The following GJB7 variants were observed in gnomAD, a reference collection of about 807,000 sequenced individuals.
The protein encoded by GJB7 is gap junction protein beta 7.
For synonymous variants in GJB7, 87 were observed against 95.2 expected, an observed-to-expected ratio of 0.91 and a Z score of 0.50; for missense variants, 253 against 256.8, an observed-to-expected ratio of 0.99 and a Z score of 0.10.
At chr6:87,328,817 A>G (rs1468322265) in intron 1 of GJB7, among the ~76,000 whole-genome samples, 1 of 152,210 alleles carries the variant, frequency 6.6e-6, no homozygotes, top group Non-Finnish European at 1.5e-5. Context: ...TTACCTAAGC[A>G]AGCCTGGGCA....
intron 1 of GJB7, among the ~76,000 whole-genome samples, chr6:87,328,380 G>GT (rs1776892648): frequency 6.6e-6 from 1 of 152,024 alleles, no homozygotes; most frequent in South Asian, 2.1e-4. Flanking sequence ...CATCTTTGTG[G>GT]TTTTATCTAC....
At chr6:87,315,448 T>C (rs1776566471) in intron 2 of GJB7, among the ~76,000 whole-genome samples, 1 of 152,276 alleles carries the variant, frequency 6.6e-6, no homozygotes, top group East Asian at 1.9e-4. Context: ...GATAGAAACC[T>C]GGAGCTGCCA....
intron 1 of GJB7, among the ~76,000 whole-genome samples, chr6:87,328,892 G>A (rs905614118): frequency 6.6e-6 from 1 of 152,210 alleles, no homozygotes; most frequent in Non-Finnish European, 1.5e-5. Context: ...TGCTGTGCTA[G>A]CAATCAGCCA....
rs1024599029 is a variant in GJB7 at position 87,292,234 on chromosome 6, T to C, written c.-27-7295A>G. On this transcript the variant is annotated intron_variant, in intron 2 of 2. Transcript: ENST00000525899. ...AATATTACTTTGTATAAAACCTTGC[T>C]ATCATCTACACAAAGAAGCTGGAAC... is the stretch of plus-strand genomic sequence containing the variant. Among the ~76,000 whole-genome samples, 4 of 152,238 alleles carry C rather than the reference T, an allele frequency of 2.6e-5. No homozygotes were observed. The East Asian group carries it at 7.7e-4, about 29-fold the overall frequency.
chr6:87,323,136 G>C lies in GJB7; in HGVS notation c.-205-93C>G, dbSNP rs182673207. On this transcript the variant is annotated intron_variant, in intron 1 of 2. Coordinates refer to ENST00000525899, the MANE Select transcript of GJB7 (RefSeq NM_198568.3). Reference sequence around the variant, plus strand: ...TTGAGTAAGCCTTCGGCACCGAACAGTAGTCCATGACATTGGGGGAAGCCA... The same window carrying C: ...TTGAGTAAGCCTTCGGCACCGAACACTAGTCCATGACATTGGGGGAAGCCA... 23 of 151,036 alleles carry C rather than the reference G, an allele frequency of 1.5e-4. No homozygotes were observed. In the East Asian group the frequency reaches 4.4e-3, roughly 29 times the overall value. 9.4% of individuals were successfully genotyped at this position (151,036 alleles called of 1,614,324 possible). A position where few individuals can be genotyped will look rare whatever the true frequency, so the allele number is the denominator to read the frequency against.
At chr6:87,324,986 A>G (rs1776781091) in intron 1 of GJB7, among the ~76,000 whole-genome samples, 1 of 151,938 alleles carries the variant, frequency 6.6e-6, no homozygotes, top group South Asian at 2.1e-4. Flanking sequence ...GGTCCTTCAC[A>G]TCCCTTGTAA....
chr6:87,323,338 T>G (rs577708687), intron 1 of GJB7, among the ~76,000 whole-genome samples: 56 of 152,302 alleles, frequency 3.7e-4, no homozygotes, highest in Non-Finnish European at 5.9e-4. Context: ...GTTAGTTACA[T>G]ATGTATACAT....
intron 2 of GJB7, among the ~76,000 whole-genome samples, chr6:87,320,957 G>A (rs1483411600): frequency 1.3e-5 from 2 of 152,144 alleles, no homozygotes; most frequent in African/African-American, 4.8e-5. Flanking sequence ...AGTGGCTCAC[G>A]CCTGTAATCC....
At chr6:87,316,754 T>C (rs924611302) in intron 2 of GJB7, among the ~76,000 whole-genome samples, 2 of 152,218 alleles carry the variant, frequency 1.3e-5, no homozygotes, top group Non-Finnish European at 2.9e-5. Context: ...CGTGGATGCA[T>C]CTGAGCCTTC....
chr6:87,319,148 G>T (rs1776623549), intron 2 of GJB7, among the ~76,000 whole-genome samples: 1 of 152,016 alleles, frequency 6.6e-6, no homozygotes, highest in South Asian at 2.1e-4. Context: ...AAAATCTCCT[G>T]GAAATATTAT....
chr6:87,295,047 T>C (rs1419707203), intron 2 of GJB7, among the ~76,000 whole-genome samples: 1 of 152,040 alleles, frequency 6.6e-6, no homozygotes, highest in Non-Finnish European at 1.5e-5. Flanking sequence ...CAACAGCTGC[T>C]CAATAGATGA....
intron 2 of GJB7, among the ~76,000 whole-genome samples, chr6:87,290,543 CAAG>C (rs1776151855): frequency 6.6e-6 from 1 of 150,468 alleles, no homozygotes; most frequent in African/African-American, 2.5e-5. Flanking sequence ...TAAGTGTCTA[CAAG>C]AAGTTTATAT....
At position 87,308,898 on chromosome 6, in the gene GJB7, A is replaced by C. The variant is rs551111963; in HGVS notation, c.-28+13968T>G. On this transcript the variant is annotated intron_variant, in intron 2 of 2. Transcript: ENST00000525899. ...GTAATGACATATATGACGTGCTGAA[A>C]GAAAAGAATTGCAATCTAAATTTAC... is the stretch of plus-strand genomic sequence containing the variant. Among the ~76,000 whole-genome samples the C allele has an allele frequency of 7.9e-5, 12 of 152,384 alleles. 1 individual carries two copies. The South Asian group carries it at 2.5e-3, about 32-fold the overall frequency.
At position 87,284,414 on chromosome 6, in the gene GJB7, CCA is replaced by C. The variant is rs750473193; in HGVS notation, c.497_498del (p.Val166GlyfsTer9). Reference sequence around the variant, plus strand: ...TCAGTGGGTTTGGAGATGAAGCAGTCCACAGTGTTGGGACAAGGCTTCAAATC... The same window carrying C: ...TCAGTGGGTTTGGAGATGAAGCAGTCCAGTGTTGGGACAAGGCTTCAAATC... ...KCDLKPCPNT[V>X]DCFISKPTEK... On this transcript the variant is annotated frameshift_variant, in exon 3 of 3. Coordinates refer to ENST00000525899, the MANE Select transcript of GJB7 (RefSeq NM_198568.3). LOFTEE classifies it low-confidence loss of function (END_TRUNC). The C allele has an allele frequency of 4.0e-5, 64 of 1,613,896 alleles. No homozygotes were observed. The African/African-American group carries it at 7.5e-4, about 19-fold the overall frequency.
intron 2 of GJB7, among the ~76,000 whole-genome samples, chr6:87,294,402 C>T (rs568269390): frequency 2.0e-5 from 3 of 152,292 alleles, no homozygotes; most frequent in South Asian, 4.1e-4. Flanking sequence ...ATCACTCTAT[C>T]GAGAAAGACC....
At position 87,296,824 on chromosome 6, in the gene GJB7, G is replaced by A. The variant is rs77189863; in HGVS notation, c.-27-11885C>T. Among the ~76,000 whole-genome samples, 1,171 of 152,186 alleles carry A rather than the reference G, an allele frequency of 7.7e-3. 23 individuals are homozygous for A. The highest frequency in any genetic ancestry group is 0.026 in the African/African-American group (1,063 of 41,510). ...TCGTATGTATGAATTTATATAAAGG[G>A]AAAAGACCTAGCCATCTTTTCTTGG... On this transcript the variant is annotated intron_variant, in intron 2 of 2. Transcript: ENST00000525899.
intron 2 of GJB7, among the ~76,000 whole-genome samples, chr6:87,286,771 T>C (rs1420033649): frequency 3.9e-5 from 6 of 152,210 alleles, no homozygotes; most frequent in African/African-American, 1.4e-4. Flanking sequence ...GTTTTTGTTT[T>C]TGTTTTTGTT....
intron 2 of GJB7, among the ~76,000 whole-genome samples, chr6:87,296,545 A>T (rs1776251539): frequency 6.6e-6 from 1 of 152,238 alleles, no homozygotes. Context: ...TGCCCTAATT[A>T]TCTGGCAATA....
intron 2 of GJB7, among the ~76,000 whole-genome samples, chr6:87,288,099 C>G (rs1160878959): frequency 6.6e-6 from 1 of 152,076 alleles, no homozygotes; most frequent in Non-Finnish European, 1.5e-5. Flanking sequence ...GACGGAGTTT[C>G]ACCATATTGA....
Sources: gnomAD v4.1 joint callset for allele counts (sites outside exome capture counted in the v4.1 genomes callset) on GRCh38, gnomAD v4.1.1 for gene constraint, MANE v1.5 for transcripts, NCBI Gene and HGNC (gene_info 2026-07-23, HGNC 2026-07-21) for gene names.